ECSCR: variants seen among roughly 807,000 people sequenced by gnomAD.
ECSCR encodes the protein endothelial cell surface expressed chemotaxis and apoptosis regulator, also known as endothelial cell-specific chemotaxis regulator.
In ECSCR, 12 loss-of-function variants were observed where a neutral mutation model predicts 16.7. The observed-to-expected ratio is 0.72, with a 90% CI of 0.46 to 1.17. ECSCR has a LOEUF of 1.17. Among genes scored for constraint, ECSCR ranks in the 50% most tolerant of loss-of-function variants. The pLI, the probability that ECSCR is intolerant of heterozygous loss-of-function variation, is 0.00. For missense variants in ECSCR, 122 were observed against 116.1 expected, an observed-to-expected ratio of 1.05 and a Z score of -0.23; for synonymous variants, 44 against 42.2, an observed-to-expected ratio of 1.04 and a Z score of -0.17.
intron 1 of ECSCR, 46 bp downstream of exon 1, chr5:139,462,564 A>C (rs369853054): frequency 1.3e-6 from 2 of 1,554,508 alleles, no homozygotes; most frequent in African/African-American, 2.7e-5. Flanking sequence ...TAGAATGGCC[A>C]GCTGCGGAGA....
At position 139,448,688 on chromosome 5, in the gene ECSCR, C is replaced by T. The variant is rs776419385; in HGVS notation, c.*212G>A. On this transcript the variant is annotated 3_prime_UTR_variant, in exon 10 of 10. Coordinates refer to ENST00000618155, the MANE Select transcript of ECSCR (RefSeq NM_001077693.4). Reference sequence around the variant, plus strand: ...AGGTGGGAGAAGCAGGCAGTATTTCCACAGCAGCTGTCCATACAGGAAAGA... The same window carrying T: ...AGGTGGGAGAAGCAGGCAGTATTTCTACAGCAGCTGTCCATACAGGAAAGA... 5.4e-5 allele frequency: 75 copies of T among 1,383,998 alleles called. No individual in the cohort carries two copies. The highest frequency in any genetic ancestry group is 7.0e-5 in the Non-Finnish European group (75 of 1,068,932). 85.7% of individuals were successfully genotyped at this position (1,383,998 alleles called of 1,614,324 possible).
At chr5:139,448,956 C>T (rs1750969035) in intron 9 of ECSCR, 48 bp from the exon 10 acceptor site, 6 of 1,536,870 alleles carry the variant, frequency 3.9e-6, no homozygotes, top group Non-Finnish European at 4.4e-6. Context: ...TTAGGATTGG[C>T]AGGGTACAGA....
chr5:139,454,065 GGT>G (rs1159344671), intron 8 of ECSCR, among the ~76,000 whole-genome samples: 2 of 146,140 alleles, frequency 1.4e-5, no homozygotes, highest in East Asian at 4.2e-4. Flanking sequence ...TGTGTAGTGG[GGT>G]GTGTGGTGTG....
chr5:139,451,733 G>A (rs1438807023), intron 8 of ECSCR, among the ~76,000 whole-genome samples: 1 of 144,950 alleles, frequency 6.9e-6, no homozygotes, highest in African/African-American at 2.5e-5. Flanking sequence ...TGTGGTTTGG[G>A]TGGGTGTGTG....
intron 4 of ECSCR, among the ~76,000 whole-genome samples, chr5:139,456,818 G>C (rs1751168482): frequency 6.6e-6 from 1 of 152,160 alleles, no homozygotes; most frequent in Non-Finnish European, 1.5e-5. Context: ...TGTGGGTCCT[G>C]ACCCCTGTGG....
chr5:139,449,895 A>AT (rs1242477981), intron 8 of ECSCR, among the ~76,000 whole-genome samples: 49 of 136,810 alleles, frequency 3.6e-4, no homozygotes, highest in South Asian at 4.8e-4. Context: ...TAAAGCCTCA[A>AT]TTTTTTTTTT....
At chr5:139,450,656 G>A (rs1307174382) in intron 8 of ECSCR, among the ~76,000 whole-genome samples, 1 of 151,212 alleles carries the variant, frequency 6.6e-6, no homozygotes, top group African/African-American at 2.4e-5. Flanking sequence ...CATGCCTGTA[G>A]TCCCAGCTAC....
At chr5:139,450,546 G>A (rs1751017246) in intron 8 of ECSCR, among the ~76,000 whole-genome samples, 1 of 150,424 alleles carries the variant, frequency 6.6e-6, no homozygotes, top group South Asian at 2.1e-4. Context: ...GGGAGGCTGA[G>A]GTGGGTGGAT....
intron 8 of ECSCR, among the ~76,000 whole-genome samples, chr5:139,451,994 G>A (rs948181933): frequency 7.6e-4 from 114 of 150,452 alleles, no homozygotes; most frequent in Non-Finnish European, 1.5e-3. Flanking sequence ...TGCATGGGGT[G>A]TATGTGGTGT....
chr5:139,457,842 G>A lies in ECSCR; in HGVS notation c.107-35C>T, dbSNP rs376230659. The stretch of plus-strand genomic sequence containing the variant: ...AACATCTGAGGCTGAGGGGTGCACC[G>A]CCTCCTACTGTTCCATCTCCCTCTC... On this transcript the variant is annotated intron_variant, in intron 2 of 9. Coordinates refer to ENST00000618155, the MANE Select transcript of ECSCR (RefSeq NM_001077693.4). 1.3e-4 allele frequency: 203 copies of A among 1,577,814 alleles called. 1 individual carries two copies. The East Asian group carries it at 1.7e-3, about 13-fold the overall frequency.
chr5:139,462,190 C>T (rs1751320555), intron 1 of ECSCR, among the ~76,000 whole-genome samples: 1 of 152,194 alleles, frequency 6.6e-6, no homozygotes, highest in South Asian at 2.1e-4. Context: ...GAACAGATCC[C>T]CTGTGAAGCC....
chr5:139,461,958 C>T (rs550374538), intron 1 of ECSCR, among the ~76,000 whole-genome samples: 4 of 152,262 alleles, frequency 2.6e-5, no homozygotes, highest in East Asian at 1.9e-4. Flanking sequence ...CCCCTATGAG[C>T]GGCTTCACAA....
chr5:139,448,784 T>G lies in ECSCR; in HGVS notation c.*116A>C. On this transcript the variant is annotated 3_prime_UTR_variant, in exon 10 of 10. Transcript: ENST00000618155. Reference sequence around the variant, plus strand: ...TGTCCTTTAGATCTAGAAGCAGACATGAAACAATAAAATAATTTACATGTG... The same window carrying G: ...TGTCCTTTAGATCTAGAAGCAGACAGGAAACAATAAAATAATTTACATGTG... 2.0e-6 allele frequency: 3 copies of G among 1,501,078 alleles called. No homozygotes were observed. The highest frequency in any genetic ancestry group is 1.3e-5 in the South Asian group (1 of 77,156). The allele number at this position is 1,501,078 out of a possible 1,614,324, so 93.0% of individuals were successfully genotyped here.
At chr5:139,455,090 A>C (rs2152089068) in intron 6 of ECSCR, among the ~76,000 whole-genome samples, 167 bp from the exon 7 acceptor site, 1 of 152,108 alleles carries the variant, frequency 6.6e-6, no homozygotes, top group South Asian at 2.1e-4. Context: ...CCCGCCCCCT[A>C]GCCAGAGTGG....
chr5:139,448,858 C>T lies in ECSCR; in HGVS notation c.*42G>A. ...TCTCTTCCTCCTTGTAGTCACAGGG[C>T]AGCTGCATCATCCTTGGACTCATGG... On this transcript the variant is annotated 3_prime_UTR_variant, in exon 10 of 10. Coordinates refer to ENST00000618155, the MANE Select transcript of ECSCR (RefSeq NM_001077693.4). 1 of 1,536,760 alleles carries T rather than the reference C, an allele frequency of 6.5e-7. No individual in the cohort carries two copies. Among genetic ancestry groups the T allele is most frequent in the Non-Finnish European group, 8.7e-7 (1 of 1,146,760 alleles).
intron 8 of ECSCR, among the ~76,000 whole-genome samples, chr5:139,454,083 G>A (rs1462109432): frequency 1.4e-5 from 2 of 143,364 alleles, no homozygotes; most frequent in East Asian, 4.3e-4. Context: ...GTGTGTTTGA[G>A]GTATGTGTGG....
chr5:139,457,933 CCT>C, intron 2 of ECSCR, 126 bp from the exon 3 acceptor site: 1 of 1,228,996 alleles, frequency 8.1e-7, no homozygotes. Context: ...CAACCATTCA[CCT>C]CTTTTTTCTT....
chr5:139,460,735 C>G (rs906248243), intron 1 of ECSCR, among the ~76,000 whole-genome samples: 1 of 152,164 alleles, frequency 6.6e-6, no homozygotes, highest in East Asian at 1.9e-4. Context: ...CCAAAGAACT[C>G]TAGCCACAGG....
intron 1 of ECSCR, 88 bp downstream of exon 1, chr5:139,462,522 A>C (rs779752497): frequency 1.0e-4 from 134 of 1,335,346 alleles, no homozygotes; most frequent in Non-Finnish European, 1.4e-4. Context: ...CTGGATGGAA[A>C]GCATGTGTCT....
Sources: gnomAD v4.1 joint callset for allele counts (sites outside exome capture counted in the v4.1 genomes callset) on GRCh38, gnomAD v4.1.1 for gene constraint, MANE v1.5 for transcripts, NCBI Gene and HGNC (gene_info 2026-07-23, HGNC 2026-07-21) for gene names.